Variants in CSMD2 observed in about 807,000 individuals in gnomAD.
CSMD2 encodes CUB and sushi domain-containing protein 2.
Under a neutral mutation model 398.5 loss-of-function variants are expected in CSMD2, and 130 were observed. The ratio of observed to expected loss-of-function variants is 0.33; its 90% CI spans 0.28 to 0.38. The LOEUF (loss-of-function observed/expected upper bound fraction) is 0.38. Among genes scored for constraint, CSMD2 ranks in the 10% least tolerant of loss-of-function variants. The pLI is 1.00. For synonymous variants in CSMD2, 1,828 were observed against 1,908.5 expected (o/e 0.96, Z 1.10); for missense variants, 3,829 against 4,764.9 (o/e 0.80, Z 5.78).
intron 33 of CSMD2, 61 bp from the exon 34 acceptor site, chr1:33,625,315 A>G (rs980564132): frequency 1.2e-4 from 174 of 1,465,756 alleles, no homozygotes; most frequent in Non-Finnish European, 1.4e-4. Context: ...CCAGGGACGG[A>G]CATACAACGG....
chr1:33,743,638 C>A, intron 13 of CSMD2, 32 bp from the exon 14 acceptor site: 1 of 1,469,886 alleles, frequency 6.8e-7, no homozygotes. Context: ...GGTCAGTAAG[C>A]ATCCCCAACA....
intron 55 of CSMD2, among the ~76,000 whole-genome samples, chr1:33,555,148 G>A (rs906489149): frequency 6.6e-6 from 1 of 152,142 alleles, no homozygotes; most frequent in African/African-American, 2.4e-5. Flanking sequence ...ATTAACAGGA[G>A]TTTGGAAAAA....
chr1:33,568,432 C>G (rs1309936228), intron 52 of CSMD2, among the ~76,000 whole-genome samples: 1 of 152,166 alleles, frequency 6.6e-6, no homozygotes, highest in Non-Finnish European at 1.5e-5. Flanking sequence ...AATGATCCAC[C>G]CGCCTTTGCT....
At chr1:33,634,138 T>C (rs1642650458) in intron 31 of CSMD2, among the ~76,000 whole-genome samples, 1 of 152,156 alleles carries the variant, frequency 6.6e-6, no homozygotes, top group Non-Finnish European at 1.5e-5. Context: ...CCCTGCCACC[T>C]CAGTATATTG....
intron 44 of CSMD2, among the ~76,000 whole-genome samples, chr1:33,588,513 G>A (rs1039100175): frequency 6.6e-6 from 1 of 151,934 alleles, no homozygotes; most frequent in Non-Finnish European, 1.5e-5. Flanking sequence ...TATTAACTAG[G>A]AGCCTATATC....
chr1:33,585,089 T>C (rs1044658782), intron 46 of CSMD2, among the ~76,000 whole-genome samples: 2 of 152,222 alleles, frequency 1.3e-5, no homozygotes, highest in African/African-American at 4.8e-5. Context: ...TTCTGAGGAC[T>C]AAATCAACTT....
intron 12 of CSMD2, among the ~76,000 whole-genome samples, chr1:33,776,192 G>C (rs1008898991): frequency 1.3e-5 from 2 of 152,174 alleles, no homozygotes; most frequent in African/African-American, 4.8e-5. Context: ...TGGGAGGAAA[G>C]ATGTATTGAA....
chr1:33,954,417 A>G (rs1334175210), intron 3 of CSMD2, among the ~76,000 whole-genome samples: 1 of 151,964 alleles, frequency 6.6e-6, no homozygotes, highest in African/African-American at 2.4e-5. Context: ...GGGGGAGGGA[A>G]CACTGACTTA....
chr1:33,780,903 T>G (rs1652672475), intron 12 of CSMD2, among the ~76,000 whole-genome samples: 2 of 152,112 alleles, frequency 1.3e-5, no homozygotes, highest in Non-Finnish European at 2.9e-5. Flanking sequence ...AGACAAGAAA[T>G]AGAGGTGTAC....
At chr1:34,052,975 G>A (rs1012131287) in intron 2 of CSMD2, among the ~76,000 whole-genome samples, 4 of 152,134 alleles carry the variant, frequency 2.6e-5, no homozygotes, top group Admixed American at 2.6e-4. Context: ...GAGCAAGCTG[G>A]TGATGGGAAG....
intron 44 of CSMD2, chr1:33,591,956 T>C (rs1639489461): frequency 5.8e-6 from 1 of 173,244 alleles, no homozygotes; most frequent in Non-Finnish European, 1.2e-5. Context: ...TTATTTCTAA[T>C]TTCCCTGTTA....
intron 3 of CSMD2, among the ~76,000 whole-genome samples, chr1:34,011,796 G>T (rs893271588): frequency 6.6e-6 from 1 of 152,014 alleles, no homozygotes; most frequent in Non-Finnish European, 1.5e-5. Flanking sequence ...TACCCTGTTG[G>T]GGTATCAAAT....
At chr1:34,117,704 C>A (rs1661747105) in intron 1 of CSMD2, among the ~76,000 whole-genome samples, 1 of 151,316 alleles carries the variant, frequency 6.6e-6, no homozygotes, top group African/African-American at 2.4e-5. Flanking sequence ...CTGATGAATA[C>A]AGGTGCAAAA....
chr1:34,095,742 A>G (rs1486830154), intron 1 of CSMD2, among the ~76,000 whole-genome samples: 1 of 151,220 alleles, frequency 6.6e-6, no homozygotes, highest in Non-Finnish European at 1.5e-5. Flanking sequence ...GACCAATAAC[A>G]GGAGCTGAAA....
Position 34,165,015 on chromosome 1 carries a change from A to T in CSMD2, c.83T>A (p.Leu28His). ...CCAGCGGCTCCCGGCGCCCGGCACA[A>T]GCGCCGAAATCCCGGTTTCGCCGCG... ...RARGETGISALVPGAGSRWGR... is the reference protein window; with the variant it reads ...RARGETGISAHVPGAGSRWGR... The change falls in exon 1 of 71, where the codon CTT (leucine) becomes CAT (histidine). Residue 28 changes from leucine to histidine, a missense_variant. Around this residue, in one of 5 missense-constraint regions of CSMD2, gnomAD observed 184 missense variants for 217.7 expected, o/e 0.85. Transcript: ENST00000373381. The T allele has an allele frequency of 8.3e-7, 1 of 1,209,384 alleles. No individual in the cohort carries two copies. The highest frequency in any genetic ancestry group is 1.0e-6 in the Non-Finnish European group (1 of 973,788). 74.9% of individuals were successfully genotyped at this position (1,209,384 alleles called of 1,614,324 possible). A position where few individuals can be genotyped will look rare whatever the true frequency, so the allele number is the denominator to read the frequency against.
intron 70 of CSMD2, among the ~76,000 whole-genome samples, chr1:33,517,246 T>G (rs1653847696): frequency 6.6e-6 from 1 of 152,156 alleles, no homozygotes; most frequent in Non-Finnish European, 1.5e-5. Context: ...TGGGCAGAAG[T>G]GGTCAGAGGG....
chr1:33,809,304 G>T (rs1257135488), intron 10 of CSMD2, among the ~76,000 whole-genome samples: 2 of 151,714 alleles, frequency 1.3e-5, no homozygotes, highest in African/African-American at 2.4e-5. Context: ...GTATAAAAAT[G>T]ACAATACTAA....
chr1:33,962,636 C>A (rs1231582775), intron 3 of CSMD2, among the ~76,000 whole-genome samples: 3 of 152,176 alleles, frequency 2.0e-5, no homozygotes, highest in Non-Finnish European at 4.4e-5. Context: ...TGCTTCTTCC[C>A]TGCCTTCCTC....
chr1:34,075,037 C>G (rs113079801), intron 2 of CSMD2, among the ~76,000 whole-genome samples: 1,835 of 152,344 alleles, frequency 0.012, 30 homozygotes, highest in African/African-American at 0.04. Context: ...TCCTTGAAGG[C>G]AGAAGCTGTC....
Sources: gnomAD v4.1 joint callset for allele counts (sites outside exome capture counted in the v4.1 genomes callset) on GRCh38, gnomAD v4.1.1 for gene constraint, gnomAD v4.1.1 regional missense constraint, MANE v1.5 for transcripts, NCBI Gene and HGNC (gene_info 2026-07-23, HGNC 2026-07-21) for gene names.